The following PRR16 variants were observed in gnomAD, a reference collection of about 807,000 sequenced individuals.
PRR16 encodes the protein protein Largen.
Under a neutral mutation model 18.2 loss-of-function variants are expected in PRR16, and 6 were observed. The ratio of observed to expected loss-of-function variants is 0.33; its 90% confidence interval spans 0.18 to 0.65. The LOEUF (loss-of-function observed/expected upper bound fraction) is 0.65. Ranked by LOEUF, PRR16 falls within the 30% of genes least tolerant of loss-of-function variation. The probability of loss-of-function intolerance (pLI) is 0.74; values close to 1 mark genes in which losing one functional copy is unlikely to be tolerated. For missense variants in PRR16, 412 were observed against 376.6 expected, an observed-to-expected ratio of 1.09 and a Z score of -0.78; for synonymous variants, 151 against 147.8, an observed-to-expected ratio of 1.02 and a Z score of -0.16.
intron 1 of PRR16, among the ~76,000 whole-genome samples, chr5:120,639,535 G>A (rs1028775344): frequency 3.3e-5 from 5 of 151,928 alleles, no homozygotes; most frequent in Non-Finnish European, 7.4e-5. Flanking sequence ...AAGGGATGCT[G>A]GATTTTATTG....
the PRR16 span, among the ~76,000 whole-genome samples, chr5:120,771,450 ACAT>A: frequency 6.6e-6 from 1 of 152,118 alleles, no homozygotes; most frequent in Non-Finnish European, 1.5e-5. Flanking sequence ...CTGGCAGTTT[ACAT>A]CATCATCCCT....
the PRR16 span, among the ~76,000 whole-genome samples, chr5:120,738,131 G>A: frequency 6.6e-6 from 1 of 151,936 alleles, no homozygotes; most frequent in Non-Finnish European, 1.5e-5. Context: ...AAAAAAAGAT[G>A]AAAAGCCTGT....
intron 1 of PRR16, among the ~76,000 whole-genome samples, chr5:120,492,255 AGTGTGTGT>A (rs3991307): frequency 0.6 from 82,122 of 137,932 alleles, 25,184 homozygotes; most frequent in East Asian, 0.78. Context: ...CGCTAATTTG[AGTGTGTGT>A]GTGTGTGTGT....
chr5:120,530,285 T>TA (rs375750842), intron 1 of PRR16, among the ~76,000 whole-genome samples: 1,122 of 84,010 alleles, frequency 0.013, 15 homozygotes, highest in African/African-American at 0.027. Context: ...ATATATATAT[T>TA]TATTTATTTA....
the PRR16 span, among the ~76,000 whole-genome samples, chr5:120,771,558 G>A: frequency 6.6e-6 from 1 of 151,994 alleles, no homozygotes; most frequent in African/African-American, 2.4e-5. Flanking sequence ...AACTTGTCAG[G>A]GAATATGACA....
In PRR16 at chr5:120,531,027, T is replaced by C. The variant is rs1751533793; in HGVS notation, c.159+66382T>C. On this transcript the variant is annotated intron_variant, in intron 1 of 1. Transcript: ENST00000407149. Reference sequence around the variant, plus strand: ...AAAAATAATTGAAATATTAAAGATATGCACTGGCAGCCTCTTCTTTCTGCC... The same window carrying C: ...AAAAATAATTGAAATATTAAAGATACGCACTGGCAGCCTCTTCTTTCTGCC... Among the ~76,000 whole-genome samples the C allele has an allele frequency of 2.0e-5, 3 of 152,206 alleles. No homozygotes were observed. In the South Asian group the frequency reaches 6.2e-4, roughly 31 times the overall value.
At chr5:120,724,569 C>A in the PRR16 span, among the ~76,000 whole-genome samples, 2 of 152,048 alleles carry the variant, frequency 1.3e-5, no homozygotes, top group Admixed American at 1.3e-4. Context: ...TTAAATCACT[C>A]ATTACATTTA....
intron 1 of PRR16, among the ~76,000 whole-genome samples, chr5:120,563,132 A>G (rs1752627406): frequency 6.6e-6 from 1 of 152,008 alleles, no homozygotes; most frequent in African/African-American, 2.4e-5. Flanking sequence ...TGCTTGAGGG[A>G]TATTTTTGCC....
chr5:120,734,853 A>G, the PRR16 span, among the ~76,000 whole-genome samples: 4 of 152,220 alleles, frequency 2.6e-5, no homozygotes, highest in Admixed American at 2.6e-4. Flanking sequence ...ACTTTGTTGG[A>G]CATAAAAAAT....
At chr5:120,474,064 A>G (rs1411632845) in intron 1 of PRR16, among the ~76,000 whole-genome samples, 1 of 152,150 alleles carries the variant, frequency 6.6e-6, no homozygotes, top group Non-Finnish European at 1.5e-5. Context: ...CAGCAGAACA[A>G]GGGCCCAGGG....
At chr5:120,608,244 C>G (rs1463973303) in intron 1 of PRR16, among the ~76,000 whole-genome samples, 1 of 152,136 alleles carries the variant, frequency 6.6e-6, no homozygotes, top group Non-Finnish European at 1.5e-5. Context: ...TGCATAATAT[C>G]CATTTTTTTC....
chr5:120,623,273 A>C (rs997945113), intron 1 of PRR16, among the ~76,000 whole-genome samples: 4 of 152,314 alleles, frequency 2.6e-5, no homozygotes, highest in African/African-American at 9.6e-5. Context: ...TGAATAAATT[A>C]TATCTACCAC....
chr5:120,753,840 ACTTATATATTATATATAATAT>A, the PRR16 span, among the ~76,000 whole-genome samples: 1 of 125,852 alleles, frequency 7.9e-6, no homozygotes, highest in Non-Finnish European at 1.6e-5. Flanking sequence ...AATATATATA[ACTTATATATTATATATAATAT>A]CTTATATATT....
chr5:120,585,391 C>T lies in PRR16; in HGVS notation c.160-100563C>T, dbSNP rs140005140. Among the ~76,000 whole-genome samples, 1,235 of 152,142 alleles carry T rather than the reference C, an allele frequency of 8.1e-3. 24 individuals carry two copies. Among genetic ancestry groups the T allele is most frequent in the African/African-American group, 0.028 (1,145 of 41,516 alleles). ...TTGGGAGGCTGAGATGGGCAGGTCACTTGAGGTCAGGAGTTCGAGACCAAC... is the reference window on the plus strand; with the variant it reads ...TTGGGAGGCTGAGATGGGCAGGTCATTTGAGGTCAGGAGTTCGAGACCAAC... On this transcript the variant is annotated intron_variant, in intron 1 of 1. Coordinates refer to ENST00000407149, the MANE Select transcript of PRR16 (RefSeq NM_001300783.2).
chr5:120,555,586 T>C (rs1310970005), intron 1 of PRR16, among the ~76,000 whole-genome samples: 1 of 151,700 alleles, frequency 6.6e-6, no homozygotes, highest in African/African-American at 2.4e-5. Context: ...ACTCATCCCA[T>C]CATGGAAGGA....
chr5:120,481,363 T>G (rs1749607652), intron 1 of PRR16: 1 of 348,566 alleles, frequency 2.9e-6, no homozygotes, highest in African/African-American at 2.2e-5. Context: ...ACTCTTGAGC[T>G]CAGGTGATCT....
chr5:120,486,359 G>A (rs1258911923), intron 1 of PRR16, among the ~76,000 whole-genome samples: 1 of 150,226 alleles, frequency 6.7e-6, no homozygotes, highest in Middle Eastern at 3.4e-3. Flanking sequence ...GTGTCAGATG[G>A]TATCTCACTG....
At chr5:120,724,504 A>G in the PRR16 span, among the ~76,000 whole-genome samples, 57 of 152,138 alleles carry the variant, frequency 3.7e-4, no homozygotes, top group African/African-American at 1.3e-3. Flanking sequence ...TGAATTCGCA[A>G]TAAATATTAG....
chr5:120,555,363 G>A (rs1328844987), intron 1 of PRR16, among the ~76,000 whole-genome samples: 6 of 151,922 alleles, frequency 3.9e-5, no homozygotes, highest in Non-Finnish European at 7.4e-5. Context: ...AATATAAACC[G>A]TGTGGCTTAA....
Sources: allele counts gnomAD v4.1 joint callset (sites outside exome capture counted in the v4.1 genomes callset), GRCh38; gene constraint gnomAD v4.1.1; transcripts MANE v1.5; gene names NCBI Gene and HGNC (gene_info 2026-07-23, HGNC 2026-07-21).